The following CRISP3 variants were observed in gnomAD, a reference collection of about 807,000 sequenced individuals.
CRISP3 encodes the protein cysteine rich secretory protein 3, also known as cysteine-rich secretory protein 3.
CRISP3 carries 33 observed loss-of-function variants against 36.1 expected under a neutral mutation model. The observed-to-expected ratio is 0.91, with a 90% CI of 0.69 to 1.22. The LOEUF (loss-of-function observed/expected upper bound fraction) is 1.22. Among genes scored for constraint, CRISP3 ranks in the 50% most tolerant of loss-of-function variants. The probability of loss-of-function intolerance (pLI) is 0.00; values close to 1 mark genes in which losing one functional copy is unlikely to be tolerated. For missense variants in CRISP3, 330 were observed against 301.2 expected, an observed-to-expected ratio of 1.10 and a Z score of -0.71; for synonymous variants, 117 against 104.6, an observed-to-expected ratio of 1.12 and a Z score of -0.72.
chr6:49,736,281 T>C (rs1769048858), intron 3 of CRISP3, 110 bp downstream of exon 3: 3 of 727,688 alleles, frequency 4.1e-6, no homozygotes, highest in Non-Finnish European at 4.7e-6. Flanking sequence ...AACAAAAAAA[T>C]ACAGAGAGAA....
chr6:49,729,262 A>G (rs1768854704), intron 7 of CRISP3, among the ~76,000 whole-genome samples: 1 of 152,136 alleles, frequency 6.6e-6, no homozygotes, highest in Admixed American at 6.5e-5. Context: ...CCTCAACAAC[A>G]CCAGTTATAT....
At chr6:49,737,234 T>C in intron 2 of CRISP3, 91 bp downstream of exon 2, 3 of 966,558 alleles carry the variant, frequency 3.1e-6, no homozygotes, top group Non-Finnish European at 5.0e-6. Context: ...CCAGACACTC[T>C]AGACCTTTTC....
Position 49,728,469 on chromosome 6 carries a change from A to G in CRISP3, c.*261T>C. ...ACTTTCAAAATTTTCACCCTAATTAAATTCAGTAAATTTAAATCACAAAGT... is the reference window on the plus strand; with the variant it reads ...ACTTTCAAAATTTTCACCCTAATTAGATTCAGTAAATTTAAATCACAAAGT... On this transcript the variant is annotated 3_prime_UTR_variant, in exon 8 of 8. Transcript: ENST00000263045. The G allele has an allele frequency of 3.9e-6, 1 of 253,490 alleles. No individual in the cohort carries two copies. The highest frequency in any genetic ancestry group is 7.4e-6 in the Non-Finnish European group (1 of 135,622). 15.7% of individuals were successfully genotyped at this position (253,490 alleles called of 1,614,324 possible).
intron 1 of CRISP3, among the ~76,000 whole-genome samples, chr6:49,737,685 G>A (rs770505022): frequency 1.2e-4 from 19 of 152,116 alleles, no homozygotes; most frequent in Admixed American, 6.6e-4. Flanking sequence ...CCGCAGCTCC[G>A]CAGTCTTCTC....
chr6:49,729,470 C>T (rs1352127837), intron 7 of CRISP3, among the ~76,000 whole-genome samples: 1 of 152,118 alleles, frequency 6.6e-6, no homozygotes, highest in Non-Finnish European at 1.5e-5. Flanking sequence ...GATTATTGGA[C>T]ATTTCTACTT....
At chr6:49,735,669 AGGTTGATTT>A in intron 3 of CRISP3, 78 bp from the exon 4 acceptor site, 1 of 1,030,854 alleles carries the variant, frequency 9.7e-7, no homozygotes, top group Non-Finnish European at 1.4e-6. Context: ...ATCAGGTTAT[AGGTTGATTT>A]ACATCATCAT....
At chr6:49,733,062 G>A in intron 6 of CRISP3, 133 bp downstream of exon 6, 1 of 501,338 alleles carries the variant, frequency 2.0e-6, no homozygotes, top group South Asian at 4.3e-5. Context: ...GGTTGAATGT[G>A]TCTCAACTTT....
chr6:49,735,144 C>T (rs969592579), intron 4 of CRISP3, among the ~76,000 whole-genome samples: 2 of 151,966 alleles, frequency 1.3e-5, no homozygotes, highest in African/African-American at 4.8e-5. Context: ...ATTTAGAAGC[C>T]AGAAATTCTA....
intron 7 of CRISP3, 81 bp downstream of exon 7, chr6:49,731,082 G>T: frequency 2.0e-6 from 2 of 1,009,182 alleles, no homozygotes; most frequent in Non-Finnish European, 3.0e-6. Flanking sequence ...TGCTTAAGTT[G>T]GTTGTCTTCA....
rs538244532 is a variant in CRISP3, at chr6:49,731,679, A to G, written c.561-428T>C. Among the ~76,000 whole-genome samples the G allele has an allele frequency of 3.6e-5, 5 of 138,882 alleles. No homozygotes were observed. In the South Asian group the frequency reaches 9.2e-4, roughly 26 times the overall value. The allele number at this position is 138,882 out of a possible 152,430, so 91.1% of individuals were successfully genotyped here. ...TATGAAAAATAACATTTAATGTTAA[A>G]TGTAACTTATAATTAAAAATAAAAA... On this transcript the variant is annotated intron_variant, in intron 6 of 7. Transcript: ENST00000263045.
chr6:49,730,357 A>C (rs1344730560), intron 7 of CRISP3, among the ~76,000 whole-genome samples: 1 of 152,064 alleles, frequency 6.6e-6, no homozygotes, highest in East Asian at 1.9e-4. Context: ...ATTAGCAAGC[A>C]GAAGTGCAAG....
chr6:49,735,244 TG>T (rs1769012350), intron 4 of CRISP3, among the ~76,000 whole-genome samples: 1 of 152,100 alleles, frequency 6.6e-6, no homozygotes, highest in Non-Finnish European at 1.5e-5. Context: ...GGGAAAGAGA[TG>T]ATCTGTAACC....
chr6:49,728,968 G>C, intron 7 of CRISP3, 111 bp from the exon 8 acceptor site: 1 of 1,013,920 alleles, frequency 9.9e-7, no homozygotes, highest in Admixed American at 2.5e-5. Flanking sequence ...CAAACAAGTT[G>C]AGATTATTAC....
At position 49,738,768 on chromosome 6, in the gene CRISP3, T is replaced by C. The variant is rs530453891; in HGVS notation, c.38-1370A>G. On this transcript the variant is annotated intron_variant, in intron 1 of 7. Transcript: ENST00000263045. ...CTAAGTATTGGGATGCAGCCTGATA[T>C]ACACTTGCAAAACCCATTTTCATGC... Among the ~76,000 whole-genome samples, 8 of 152,208 alleles carry C rather than the reference T, an allele frequency of 5.3e-5. No homozygotes were observed. In the East Asian group the frequency reaches 5.8e-4, roughly 11 times the overall value.
Position 49,733,859 on chromosome 6 carries a change from A to G in CRISP3, c.317-11T>C. On this transcript the variant is annotated splice_polypyrimidine_tract_variant and intron_variant, in intron 4 of 7. Coordinates refer to ENST00000263045, the MANE Select transcript of CRISP3 (RefSeq NM_006061.4). The stretch of plus-strand genomic sequence containing the variant: ...CACCACATTTTAGACCTAAGAAGGA[A>G]CAGACCACTCATGAGGAAAGCAATA... 1 of 1,612,468 alleles carries G rather than the reference A, an allele frequency of 6.2e-7. No homozygotes were observed. The highest frequency in any genetic ancestry group is 8.5e-7 in the Non-Finnish European group (1 of 1,178,912).
intron 4 of CRISP3, among the ~76,000 whole-genome samples, chr6:49,735,188 A>C (rs925562950): frequency 1.3e-5 from 2 of 152,184 alleles, no homozygotes; most frequent in African/African-American, 4.8e-5. Flanking sequence ...ATTAATTGCC[A>C]ATCATCATTT....
intron 7 of CRISP3, among the ~76,000 whole-genome samples, chr6:49,730,962 A>C (rs1024856064): frequency 6.6e-6 from 1 of 152,136 alleles, no homozygotes; most frequent in Non-Finnish European, 1.5e-5. Context: ...GAATCACTTG[A>C]TCCCTGCAAG....
rs904213859 is a variant in CRISP3 at position 49,730,799 on chromosome 6, G to A, written c.649+364C>T. Among the ~76,000 whole-genome samples, 8 of 152,114 alleles carry A rather than the reference G, an allele frequency of 5.3e-5. No homozygotes were observed. In the South Asian group the frequency reaches 1.5e-3, roughly 28 times the overall value. On this transcript the variant is annotated intron_variant, in intron 7 of 7. Coordinates refer to ENST00000263045, the MANE Select transcript of CRISP3 (RefSeq NM_006061.4). Reference sequence around the variant, plus strand: ...CTCACACCTGTAATCCCAGCACTTCGGGTGGCTGAGGTGGGCAGATCGCTT... The same window carrying A: ...CTCACACCTGTAATCCCAGCACTTCAGGTGGCTGAGGTGGGCAGATCGCTT...
chr6:49,727,752 T>C lies in CRISP3; in HGVS notation c.*978A>G, dbSNP rs1768802589. On this transcript the variant is annotated 3_prime_UTR_variant, in exon 8 of 8. Transcript: ENST00000263045. ...TACTCTAAAATACCCCAGGGATATT[T>C]TGTAGAATGTCCTTCAACTTGAGTT... 1 of 152,286 alleles carries C rather than the reference T, an allele frequency of 6.6e-6. No homozygotes were observed. Among genetic ancestry groups the C allele is most frequent in the Admixed American group, 6.5e-5 (1 of 15,302 alleles). The allele number at this position is 152,286 out of a possible 1,614,324, so 9.4% of individuals were successfully genotyped here.
Sources: allele counts gnomAD v4.1 joint callset (sites outside exome capture counted in the v4.1 genomes callset), GRCh38; gene constraint gnomAD v4.1.1; transcripts MANE v1.5; gene names NCBI Gene and HGNC (gene_info 2026-07-23, HGNC 2026-07-21).